Variants in HHLA2 observed in about 807,000 individuals in gnomAD.
HHLA2 encodes HHLA2 member of B7 family, also known as HERV-H LTR-associating protein 2.
A neutral mutation model predicts 45.9 loss-of-function variants in HHLA2; 48 were observed. That is an observed-to-expected ratio of 1.05 (90% CI 0.83 to 1.33). The LOEUF (loss-of-function observed/expected upper bound fraction) is 1.33, where lower values mean the gene tolerates loss of function less well. HHLA2 is among the 40% of genes most tolerant of loss of function. The pLI, the probability that HHLA2 is intolerant of heterozygous loss-of-function variation, is 0.00. For missense variants in HHLA2, 462 were observed against 494.3 expected (o/e 0.93, Z 0.62); for synonymous variants, 161 against 173.9 (o/e 0.93, Z 0.59).
At chr3:108,362,185 G>T (rs574356647) in intron 7 of HHLA2, among the ~76,000 whole-genome samples, 157 bp from the exon 7 acceptor site, 33 of 152,220 alleles carry the variant, frequency 2.2e-4, no homozygotes, top group African/African-American at 7.5e-4. Flanking sequence ...TTTTTATTAT[G>T]CAAAGTGTTT....
chr3:108,351,694 C>A, intron 3 of HHLA2, 94 bp from the exon 3 acceptor site: 2 of 702,992 alleles, frequency 2.8e-6, no homozygotes, highest in Non-Finnish European at 2.4e-6. Flanking sequence ...ATTTAATGGC[C>A]ACAAAACAAT....
intron 1 of HHLA2, among the ~76,000 whole-genome samples, chr3:108,303,044 C>G (rs2080875507): frequency 6.6e-6 from 1 of 152,138 alleles, no homozygotes; most frequent in Non-Finnish European, 1.5e-5. Context: ...ATATTTCTTC[C>G]CCTTATTTGG....
chr3:108,375,824 A>C (rs185380942), intron 9 of HHLA2, 24 bp downstream of exon 8: 4 of 1,607,720 alleles, frequency 2.5e-6, no homozygotes, highest in Non-Finnish European at 3.4e-6. Flanking sequence ...GTCTGAGAGA[A>C]GAATGGATTC....
intron 3 of HHLA2, among the ~76,000 whole-genome samples, chr3:108,347,410 T>C (rs1345322614): frequency 6.6e-6 from 1 of 152,142 alleles, no homozygotes. Flanking sequence ...GCACTTGTGT[T>C]CACAAGTCTC....
intron 2 of HHLA2, among the ~76,000 whole-genome samples, chr3:108,320,869 G>T (rs2107343739): frequency 6.6e-6 from 1 of 152,170 alleles, no homozygotes. Flanking sequence ...CTAACCACGT[G>T]ATCAGTGGGA....
At chr3:108,352,794 C>CT (rs1282595272) in intron 4 of HHLA2, among the ~76,000 whole-genome samples, 5 of 152,148 alleles carry the variant, frequency 3.3e-5, no homozygotes, top group African/African-American at 4.8e-5. Flanking sequence ...CCAGATATTC[C>CT]TTACCTACAT....
At chr3:108,376,369 TA>T in intron 9 of HHLA2, 123 bp from the exon 9 acceptor site, 1 of 686,644 alleles carries the variant, frequency 1.5e-6, no homozygotes, top group Non-Finnish European at 2.4e-6. Flanking sequence ...TGTTGTTTGT[TA>T]AAGATATGCA....
intron 8 of HHLA2, among the ~76,000 whole-genome samples, chr3:108,372,655 G>A (rs1311046071): frequency 1.3e-5 from 2 of 152,160 alleles, no homozygotes; most frequent in African/African-American, 4.8e-5. Flanking sequence ...TATCACCACT[G>A]ATCCCACAGA....
chr3:108,364,958 CTG>C (rs2082040312), intron 8 of HHLA2, among the ~76,000 whole-genome samples: 1 of 152,168 alleles, frequency 6.6e-6, no homozygotes, highest in Admixed American at 6.5e-5. Flanking sequence ...CCTGCTCACT[CTG>C]ATGATAGTTT....
chr3:108,325,340 T>G (rs998499569), intron 2 of HHLA2, among the ~76,000 whole-genome samples: 1 of 152,188 alleles, frequency 6.6e-6, no homozygotes, highest in Non-Finnish European at 1.5e-5. Flanking sequence ...AGTTCTTCAG[T>G]TTTTTGCCCA....
intron 2 of HHLA2, among the ~76,000 whole-genome samples, chr3:108,319,015 T>G (rs1199440290): frequency 1.3e-5 from 2 of 152,212 alleles, no homozygotes; most frequent in African/African-American, 4.8e-5. Flanking sequence ...CTAAGTTCTT[T>G]GGCCACTGAC....
intron 3 of HHLA2, among the ~76,000 whole-genome samples, chr3:108,345,380 T>C (rs913113500): frequency 6.6e-6 from 1 of 152,186 alleles, no homozygotes; most frequent in Non-Finnish European, 1.5e-5. Context: ...GAAAACTAAA[T>C]TGATAAAAGC....
chr3:108,360,360 TAC>T (rs2081966732), intron 7 of HHLA2, among the ~76,000 whole-genome samples: 2 of 152,162 alleles, frequency 1.3e-5, no homozygotes, highest in Non-Finnish European at 2.9e-5. Context: ...TTCACAATTT[TAC>T]AGATAGAAGA....
intron 1 of HHLA2, among the ~76,000 whole-genome samples, chr3:108,303,340 C>T (rs1328706933): frequency 6.6e-6 from 1 of 152,154 alleles, no homozygotes; most frequent in Non-Finnish European, 1.5e-5. Flanking sequence ...TCATCTCTTT[C>T]ATCTGAATTC....
chr3:108,370,515 G>A (rs1031283035), intron 8 of HHLA2, among the ~76,000 whole-genome samples: 17 of 151,944 alleles, frequency 1.1e-4, no homozygotes, highest in Non-Finnish European at 2.2e-4. Context: ...GGCTTCAGAC[G>A]ATCAAACTAC....
chr3:108,320,665 G>T (rs188999316), intron 2 of HHLA2, among the ~76,000 whole-genome samples: 20 of 152,164 alleles, frequency 1.3e-4, no homozygotes, highest in African/African-American at 4.8e-4. Context: ...TTAAATGTGG[G>T]CGGCAAATAC....
intron 2 of HHLA2, among the ~76,000 whole-genome samples, chr3:108,319,009 G>C (rs752525837): frequency 1.3e-3 from 198 of 152,252 alleles, no homozygotes; most frequent in Non-Finnish European, 2.5e-3. Context: ...GTAGCTCTAA[G>C]TTCTTTGGCC....
At chr3:108,347,266 A>AT (rs1239430565) in intron 3 of HHLA2, among the ~76,000 whole-genome samples, 1 of 151,990 alleles carries the variant, frequency 6.6e-6, no homozygotes, top group Non-Finnish European at 1.5e-5. Context: ...GAGGTTGGGC[A>AT]TTTTTTTATT....
At chr3:108,327,450 C>T (rs539690763) in intron 2 of HHLA2, among the ~76,000 whole-genome samples, 62 of 152,286 alleles carry the variant, frequency 4.1e-4, no homozygotes, top group African/African-American at 1.4e-3. Context: ...CTTATGCTTT[C>T]TCACTGTGTC....
Sources: allele counts gnomAD v4.1 joint callset (sites outside exome capture counted in the v4.1 genomes callset), GRCh38; gene constraint gnomAD v4.1.1; transcripts MANE v1.5; gene names NCBI Gene and HGNC (gene_info 2026-07-23, HGNC 2026-07-21).